Variants in PCDHGB6 observed in about 807,000 individuals in gnomAD.
The protein encoded by PCDHGB6 is protocadherin gamma subfamily B, 6, also known as protocadherin gamma-B6.
In PCDHGB6, 51 loss-of-function variants were observed where a neutral mutation model predicts 59.1. That is an observed-to-expected ratio of 0.86 (90% CI 0.69 to 1.09). The LOEUF is 1.09. Among genes scored for constraint, PCDHGB6 ranks in the 50% least tolerant of loss-of-function variants. The pLI is 0.00. For missense variants in PCDHGB6, 1,148 were observed against 1,205.1 expected, an observed-to-expected ratio of 0.95 and a Z score of 0.70; for synonymous variants, 466 against 495.1, an observed-to-expected ratio of 0.94 and a Z score of 0.78.
At chr5:141,453,492 G>A (rs1046043468) in intron 1 of PCDHGB6, among the ~76,000 whole-genome samples, 7 of 152,000 alleles carry the variant, frequency 4.6e-5, no homozygotes, top group African/African-American at 7.3e-5. Context: ...AAAAAAAGGT[G>A]TACTCAGAAA....
At chr5:141,465,979 G>C (rs779605313) in intron 1 of PCDHGB6, among the ~76,000 whole-genome samples, 26 of 151,846 alleles carry the variant, frequency 1.7e-4, no homozygotes, top group Non-Finnish European at 3.8e-4. Flanking sequence ...AAAATTAGCC[G>C]GGCATGGTGG....
chr5:141,448,974 C>T (rs937711828), intron 1 of PCDHGB6, among the ~76,000 whole-genome samples: 5 of 151,994 alleles, frequency 3.3e-5, no homozygotes, highest in African/African-American at 1.2e-4. Context: ...CAAAAAAGAA[C>T]TTCCATATTA....
intron 1 of PCDHGB6, 157 bp from the exon 2 acceptor site, chr5:141,494,650 T>G (rs1366776271): frequency 1.0e-6 from 1 of 960,138 alleles, no homozygotes; most frequent in East Asian, 1.1e-4. Context: ...CTGAGGTGTA[T>G]TTTGTCTTTG....
Position 141,423,433 on chromosome 5 carries a change from A to G in PCDHGB6, c.2418+12813A>G, listed in dbSNP as rs746170494. ...GGCTTCTGAAGGCGGGTTGGCAGGT[A>G]TGCCCACGTCACATTTTGTAGGCGT... On this transcript the variant is annotated intron_variant, in intron 1 of 3. Coordinates refer to ENST00000520790, the MANE Select transcript of PCDHGB6 (RefSeq NM_018926.3). 3.1e-6 allele frequency: 5 copies of G among 1,614,010 alleles called. No homozygotes were observed. The East Asian group carries it at 8.9e-5, about 29-fold the overall frequency.
chr5:141,486,175 C>T lies in PCDHGB6; in HGVS notation c.2419-8632C>T. ...GTTCTCCAGCCATGGAGCAACATTG[C>T]AGCCTTCGAGTGGATCTGCTGGACG... On this transcript the variant is annotated intron_variant, in intron 1 of 3. Transcript: ENST00000520790. The surrounding 1 kb of genome is among the most constrained non-coding windows in gnomAD (Gnocchi z 5.0). 1 of 1,614,210 alleles carries T rather than the reference C, an allele frequency of 6.2e-7. No individual in the cohort carries two copies.
In PCDHGB6 at chr5:141,432,856, G is replaced by C; in HGVS notation, c.2418+22236G>C. 1 of 1,614,142 alleles carries C rather than the reference G, an allele frequency of 6.2e-7. No homozygotes were observed. The highest frequency in any genetic ancestry group is 1.7e-5 in the Admixed American group (1 of 60,030). On this transcript the variant is annotated intron_variant, in intron 1 of 3. Coordinates refer to ENST00000520790, the MANE Select transcript of PCDHGB6 (RefSeq NM_018926.3). This position sits in a 1 kb window ranked among gnomAD's most constrained non-coding sequence, Gnocchi z 6.0. Reference sequence around the variant, plus strand: ...TGTACCTGGTGGTAGCGGTGGCCGCGGTCTCCTGCGTCTTCCTGGCCTTCG... The same window carrying C: ...TGTACCTGGTGGTAGCGGTGGCCGCCGTCTCCTGCGTCTTCCTGGCCTTCG...
rs576983336 is a variant in PCDHGB6, at chr5:141,489,165, G to A, written c.2419-5642G>A. 5.8e-4 allele frequency: 625 copies of A among 1,082,080 alleles called. 8 individuals are homozygous for A. The South Asian group carries it at 7.9e-3, about 14-fold the overall frequency. The allele number at this position is 1,082,080 out of a possible 1,614,324, so 67.0% of individuals were successfully genotyped here. On this transcript the variant is annotated intron_variant, in intron 1 of 3. Transcript: ENST00000520790. The surrounding 1 kb of genome is among the most constrained non-coding windows in gnomAD (Gnocchi z 4.5). ...GAAGGAGACATAAGAGACTTCAGCT[G>A]CTGCATTCCAAGCCCTGGGTCTACC...
chr5:141,487,675 A>G lies in PCDHGB6; in HGVS notation c.2419-7132A>G, dbSNP rs752606441. ...GTTATTCTGATCCAGGCATATGGCT[A>G]GGCCATGTCCTAGAGAGTACTGGCC... On this transcript the variant is annotated intron_variant, in intron 1 of 3. Transcript: ENST00000520790. This position sits in a 1 kb window ranked among gnomAD's most constrained non-coding sequence, Gnocchi z 5.0. 22 of 1,611,038 alleles carry G rather than the reference A, an allele frequency of 1.4e-5. No individual in the cohort carries two copies. Among genetic ancestry groups the G allele is most frequent in the Non-Finnish European group, 1.7e-5 (20 of 1,178,458 alleles).
Position 141,431,872 on chromosome 5 carries a change from A to G in PCDHGB6, c.2418+21252A>G, listed in dbSNP as rs2097425104. 5 of 1,614,222 alleles carry G rather than the reference A, an allele frequency of 3.1e-6. No individual in the cohort carries two copies. The highest frequency in any genetic ancestry group is 4.2e-6 in the Non-Finnish European group (5 of 1,180,002). ...GGACATTAATTGCCCTTTTAAATGT[A>G]AATGACCAAGATTCTGAGGAAAACG... On this transcript the variant is annotated intron_variant, in intron 1 of 3. Transcript: ENST00000520790. The surrounding 1 kb of genome is among the most constrained non-coding windows in gnomAD (Gnocchi z 4.8).
chr5:141,442,051 C>G (rs1384937090), intron 1 of PCDHGB6: 1 of 197,158 alleles, frequency 5.1e-6, no homozygotes, highest in East Asian at 1.8e-4. Context: ...CTACTGGTCG[C>G]GGTGCACTGC....
intron 2 of PCDHGB6, among the ~76,000 whole-genome samples, chr5:141,502,517 G>A (rs1333510345): frequency 1.3e-5 from 2 of 152,128 alleles, no homozygotes; most frequent in Admixed American, 6.6e-5. Flanking sequence ...CCCACTATCA[G>A]TGATGCCGAG....
At chr5:141,412,814 C>CAT (rs1339609844) in intron 1 of PCDHGB6, among the ~76,000 whole-genome samples, 1 of 152,180 alleles carries the variant, frequency 6.6e-6, no homozygotes, top group Non-Finnish European at 1.5e-5. Context: ...AAGAAACCTA[C>CAT]ATATAGTAAA....
intron 1 of PCDHGB6, chr5:141,441,837 G>A (rs952709777): frequency 2.8e-6 from 1 of 354,138 alleles, no homozygotes. Context: ...ATGGCTTCGC[G>A]CTCTTGGATA....
At chr5:141,456,421 A>C (rs1358944131) in intron 1 of PCDHGB6, among the ~76,000 whole-genome samples, 1 of 152,150 alleles carries the variant, frequency 6.6e-6, no homozygotes, top group Non-Finnish European at 1.5e-5. Context: ...GAAACAATTC[A>C]AGTTATAGTA....
chr5:141,505,334 G>T, intron 2 of PCDHGB6, 59 bp from the exon 3 acceptor site: 1 of 1,611,326 alleles, frequency 6.2e-7, no homozygotes, highest in Non-Finnish European at 8.5e-7. Context: ...GAGAGGACAG[G>T]AGGGGCATGA....
At chr5:141,508,604 A>G (rs2099870124) in intron 3 of PCDHGB6, among the ~76,000 whole-genome samples, 1 of 152,150 alleles carries the variant, frequency 6.6e-6, no homozygotes, top group African/African-American at 2.4e-5. Flanking sequence ...TCTTGGGTGC[A>G]CATAGGACGT....
At chr5:141,419,109 A>T in intron 1 of PCDHGB6, 1 of 1,613,940 alleles carries the variant, frequency 6.2e-7, no homozygotes, top group Non-Finnish European at 8.5e-7. Flanking sequence ...CAGACCCCAG[A>T]GTACAACGTC....
chr5:141,491,178 C>T lies in PCDHGB6; in HGVS notation c.2419-3629C>T, dbSNP rs774139827. 6.2e-7 allele frequency: 1 copy of T among 1,614,146 alleles called. No individual in the cohort carries two copies. The highest frequency in any genetic ancestry group is 8.5e-7 in the Non-Finnish European group (1 of 1,179,992). On this transcript the variant is annotated intron_variant, in intron 1 of 3. Coordinates refer to ENST00000520790, the MANE Select transcript of PCDHGB6 (RefSeq NM_018926.3). The surrounding 1 kb of genome is among the most constrained non-coding windows in gnomAD (Gnocchi z 6.9). ...ACTCTGACACCCAGCAGGTGGTGGT[C>T]CTGGTGAGGGACAATGGTGACCCTT...
intron 3 of PCDHGB6, among the ~76,000 whole-genome samples, chr5:141,506,879 G>T (rs958969109): frequency 6.6e-6 from 1 of 152,172 alleles, no homozygotes; most frequent in Non-Finnish European, 1.5e-5. Flanking sequence ...AGAACCAGGT[G>T]AAATCACAAG....
Sources: gnomAD v4.1 joint callset for allele counts (sites outside exome capture counted in the v4.1 genomes callset) on GRCh38, gnomAD v4.1.1 for gene constraint, Gnocchi (gnomAD v3.1) non-coding constraint, MANE v1.5 for transcripts, NCBI Gene and HGNC (gene_info 2026-07-23, HGNC 2026-07-21) for gene names.